CDH23: variants seen among roughly 807,000 people sequenced by gnomAD.
The protein encoded by CDH23 is cadherin-23.
Under a neutral mutation model 317.1 loss-of-function variants are expected in CDH23, and 189 were observed. The observed-to-expected ratio is 0.60, with a 90% CI of 0.53 to 0.67. CDH23 has a LOEUF of 0.67. CDH23 is among the 30% of genes least tolerant of loss of function. CDH23 has a pLI of 0.00. For synonymous variants in CDH23, 1,839 were observed against 1,876.8 expected, an observed-to-expected ratio of 0.98 and a Z score of 0.52; for missense variants, 4,401 against 4,592.4, an observed-to-expected ratio of 0.96 and a Z score of 1.20.
Position 71,797,208 on chromosome 10 carries a change from A to T in CDH23, c.6817A>T (p.Ser2273Cys). 6.2e-7 allele frequency: 1 copy of T among 1,611,252 alleles called. No individual in the cohort carries two copies. The highest frequency in any genetic ancestry group is 1.1e-5 in the South Asian group (1 of 90,584). ...CAGCGACCTACCAGAGCGCTCTGTC[A>T]GTGTGCCAAATGGTAAGGTTCCCTG... is the stretch of plus-strand genomic sequence containing the variant. ...NASDLPERSVSVPNAKLTVNV... is the reference protein window; with the variant it reads ...NASDLPERSVCVPNAKLTVNV... The change falls in exon 49 of 70, where the codon AGT becomes TGT. Residue 2273 changes from serine to cysteine, a missense_variant. Ser to Cys is a moderately radical substitution (Grantham distance 112). Coordinates refer to ENST00000224721, the MANE Select transcript of CDH23 (RefSeq NM_022124.6).
At chr10:71,463,584 G>A (rs1297976547) in intron 3 of CDH23, among the ~76,000 whole-genome samples, 1 of 152,200 alleles carries the variant, frequency 6.6e-6, no homozygotes, top group Non-Finnish European at 1.5e-5. Flanking sequence ...TGAAGGGAGG[G>A]TGGGGGAAGT....
intron 18 of CDH23, among the ~76,000 whole-genome samples, chr10:71,683,011 C>G (rs1375391454): frequency 6.6e-6 from 1 of 152,012 alleles, no homozygotes; most frequent in African/African-American, 2.4e-5. Context: ...TTTTTCTTCC[C>G]TTTTCCACTC....
chr10:71,622,950 G>A, intron 11 of CDH23: 1 of 985,370 alleles, frequency 1.0e-6, no homozygotes, highest in Non-Finnish European at 1.2e-6. Context: ...CCGAACCCCT[G>A]GCCTTCCTGA....
intron 6 of CDH23, among the ~76,000 whole-genome samples, chr10:71,530,030 T>TACACACAC (rs1296273359): frequency 1.4e-5 from 1 of 71,090 alleles, no homozygotes; most frequent in African/African-American, 6.9e-5. Flanking sequence ...CATACACACA[T>TACACACAC]ACAGACACAC....
chr10:71,812,233 C>T, intron 66 of CDH23: 1 of 1,595,498 alleles, frequency 6.3e-7, no homozygotes, highest in Non-Finnish European at 8.5e-7. Context: ...CCAGGGGATG[C>T]AGACTTTGGG....
intron 6 of CDH23, among the ~76,000 whole-genome samples, chr10:71,550,626 A>C (rs921438743): frequency 1.3e-5 from 2 of 152,032 alleles, no homozygotes; most frequent in African/African-American, 4.8e-5. Flanking sequence ...GAAAGAAAAA[A>C]GACAAGGCTG....
At chr10:71,460,291 G>T (rs1343674778) in intron 3 of CDH23, among the ~76,000 whole-genome samples, 1 of 152,216 alleles carries the variant, frequency 6.6e-6, no homozygotes, top group African/African-American at 2.4e-5. Flanking sequence ...GGTGGACAGG[G>T]CACAAGATCC....
chr10:71,545,567 A>G (rs1241145421), intron 6 of CDH23, among the ~76,000 whole-genome samples: 1 of 152,140 alleles, frequency 6.6e-6, no homozygotes, highest in East Asian at 1.9e-4. Context: ...TCATTCATTT[A>G]TTCATTCAAG....
In CDH23 at chr10:71,814,969, G is replaced by T; in HGVS notation, c.9756G>T (p.Leu3252=). ...SSISELIQTE[L]DEEPGDHSPG... ...TCTTGCAGCTGATACAGACTGAGCT[G>T]GACGAGGAGCCAGGAGACCACAGCC... The change falls in exon 70 of 70, where the codon CTG becomes CTT. Residue 3252 remains leucine (L), a synonymous_variant. Transcript: ENST00000224721. 1 of 1,611,916 alleles carries T rather than the reference G, an allele frequency of 6.2e-7. No homozygotes were observed. The highest frequency in any genetic ancestry group is 8.5e-7 in the Non-Finnish European group (1 of 1,179,310).
At chr10:71,482,832 A>G (rs1852139961) in intron 3 of CDH23, among the ~76,000 whole-genome samples, 2 of 152,218 alleles carry the variant, frequency 1.3e-5, no homozygotes, top group Admixed American at 6.5e-5. Context: ...CATTTGGGGC[A>G]TTGCATTTGG....
At chr10:71,591,551 G>A (rs1478921304) in intron 9 of CDH23, among the ~76,000 whole-genome samples, 1 of 152,166 alleles carries the variant, frequency 6.6e-6, no homozygotes, top group Non-Finnish European at 1.5e-5. Context: ...CATGGCTGAT[G>A]AACTGGTTCT....
intron 14 of CDH23, among the ~76,000 whole-genome samples, chr10:71,665,097 G>A (rs887457021): frequency 2.6e-5 from 4 of 152,206 alleles, no homozygotes; most frequent in Non-Finnish European, 5.9e-5. Flanking sequence ...CACTGGATGG[G>A]TGCTGGGGAT....
At chr10:71,518,089 G>GTT (rs1854445352) in intron 6 of CDH23, among the ~76,000 whole-genome samples, 1 of 152,064 alleles carries the variant, frequency 6.6e-6, no homozygotes, top group Non-Finnish European at 1.5e-5. Context: ...GTGTGTGTGT[G>GTT]TTCTTATTTA....
chr10:71,532,700 C>CTTTTTTTTT (rs1855446648), intron 6 of CDH23, among the ~76,000 whole-genome samples: 2 of 131,546 alleles, frequency 1.5e-5, no homozygotes, highest in African/African-American at 5.5e-5. Flanking sequence ...GGCAAGTTTT[C>CTTTTTTTTT]TTTTGTTTTT....
At chr10:71,689,141 G>GGGTGGTGGAGCCAAC (rs1865078139) in intron 19 of CDH23, among the ~76,000 whole-genome samples, 1 of 46,258 alleles carries the variant, frequency 2.2e-5, no homozygotes. Context: ...GTGGAGCCAG[G>GGGTGGTGGAGCCAAC]GGTGGTGGAG....
At chr10:71,492,631 T>C (rs1852726370) in intron 3 of CDH23, among the ~76,000 whole-genome samples, 1 of 152,210 alleles carries the variant, frequency 6.6e-6, no homozygotes, top group Non-Finnish European at 1.5e-5. Flanking sequence ...TTTTCATTCA[T>C]CCATTCATCC....
At chr10:71,462,304 C>G (rs1292402442) in intron 3 of CDH23, among the ~76,000 whole-genome samples, 1 of 152,238 alleles carries the variant, frequency 6.6e-6, no homozygotes, top group Non-Finnish European at 1.5e-5. Context: ...ATTAAAGACT[C>G]TGGAACAATT....
chr10:71,420,166 C>G (rs1462329649), intron 1 of CDH23, among the ~76,000 whole-genome samples: 1 of 152,118 alleles, frequency 6.6e-6, no homozygotes, highest in Non-Finnish European at 1.5e-5. Context: ...AGCAATTTGT[C>G]TTTCTTCCTT....
chr10:71,766,066 G>A (rs12772965), intron 38 of CDH23, among the ~76,000 whole-genome samples: 1 of 152,240 alleles, frequency 6.6e-6, no homozygotes, highest in East Asian at 1.9e-4. Flanking sequence ...GGGCCTGCAC[G>A]TGCCCCGCGG....
Sources: allele counts gnomAD v4.1 joint callset (sites outside exome capture counted in the v4.1 genomes callset), GRCh38; gene constraint gnomAD v4.1.1; transcripts MANE v1.5; gene names NCBI Gene and HGNC (gene_info 2026-07-23, HGNC 2026-07-21).